The following LRRC7 variants were observed in gnomAD, a reference collection of about 807,000 sequenced individuals.
The protein encoded by LRRC7 is leucine-rich repeat-containing protein 7.
Under a neutral mutation model 175.7 loss-of-function variants are expected in LRRC7, and 23 were observed. The ratio of observed to expected loss-of-function variants is 0.13; its 90% confidence interval spans 0.09 to 0.19. The LOEUF (loss-of-function observed/expected upper bound fraction) is 0.19. Among genes scored for constraint, LRRC7 ranks in the 10% least tolerant of loss-of-function variants. The pLI, the probability that LRRC7 is intolerant of heterozygous loss-of-function variation, is 1.00. For synonymous variants in LRRC7, 685 were observed against 680.9 expected, an observed-to-expected ratio of 1.01 and a Z score of -0.09; for missense variants, 1,354 against 1,904.7, an observed-to-expected ratio of 0.71 and a Z score of 5.38.
intron 7 of LRRC7, chr1:69,839,136 C>T (rs931892721): frequency 5.1e-6 from 1 of 194,540 alleles, no homozygotes; most frequent in Admixed American, 6.1e-5. Flanking sequence ...CAAAATGTAA[C>T]CTTATTTTTT....
chr1:69,986,532 G>T (rs1570917686), intron 10 of LRRC7, 146 bp downstream of exon 10: 2 of 589,338 alleles, frequency 3.4e-6, no homozygotes, highest in East Asian at 6.2e-5. Flanking sequence ...TCATAAAATA[G>T]TATCTAACAA....
intron 9 of LRRC7, among the ~76,000 whole-genome samples, 199 bp from the exon 10 acceptor site, chr1:69,986,043 A>G (rs980745396): frequency 8.5e-5 from 13 of 152,148 alleles, no homozygotes; most frequent in African/African-American, 3.1e-4. Flanking sequence ...AAACTGCCAA[A>G]CAGTTCTTCA....
chr1:69,914,111 T>C (rs2101711518), intron 7 of LRRC7, among the ~76,000 whole-genome samples: 1 of 152,234 alleles, frequency 6.6e-6, no homozygotes, highest in African/African-American at 2.4e-5. Context: ...CCTTGTGCCA[T>C]GAATAGCCAG....
intron 2 of LRRC7, among the ~76,000 whole-genome samples, chr1:69,732,435 T>G (rs12057486): frequency 0.028 from 4,211 of 152,084 alleles, 177 homozygotes; most frequent in African/African-American, 0.095. Context: ...GGTCAGGTTT[T>G]AAAAAAGTCC....
At chr1:69,752,970 A>C (rs1210151689) in intron 2 of LRRC7, among the ~76,000 whole-genome samples, 1 of 152,130 alleles carries the variant, frequency 6.6e-6, no homozygotes, top group East Asian at 1.9e-4. Context: ...ATGTGGTAAC[A>C]CAGGAAACCG....
intron 1 of LRRC7, among the ~76,000 whole-genome samples, chr1:69,658,764 T>G (rs965681434): frequency 6.6e-6 from 1 of 152,026 alleles, no homozygotes; most frequent in African/African-American, 2.4e-5. Context: ...ATCGCAAAGT[T>G]TTTAAATACT....
intron 3 of LRRC7, among the ~76,000 whole-genome samples, chr1:69,771,151 T>C (rs1394811302): frequency 6.6e-6 from 1 of 152,190 alleles, no homozygotes; most frequent in Non-Finnish European, 1.5e-5. Context: ...TTTTTTTCCA[T>C]ATATGTTCTT....
chr1:69,908,831 C>A (rs1371835857), intron 7 of LRRC7, among the ~76,000 whole-genome samples: 7 of 147,648 alleles, frequency 4.7e-5, no homozygotes, highest in African/African-American at 1.8e-4. Flanking sequence ...TCCTTGTTAA[C>A]TTTCTGTCTC....
At chr1:69,901,879 T>G (rs1646145021) in intron 7 of LRRC7, among the ~76,000 whole-genome samples, 1 of 152,162 alleles carries the variant, frequency 6.6e-6, no homozygotes, top group Non-Finnish European at 1.5e-5. Context: ...AGTGTTATCT[T>G]ATATAAAGCC....
chr1:69,921,509 T>C (rs986128452), intron 7 of LRRC7, among the ~76,000 whole-genome samples: 23 of 152,320 alleles, frequency 1.5e-4, no homozygotes, highest in African/African-American at 5.3e-4. Context: ...TCTTTAATTT[T>C]TTCCTCTCCT....
At chr1:69,747,689 C>T (rs1419994811) in intron 2 of LRRC7, among the ~76,000 whole-genome samples, 2 of 151,992 alleles carry the variant, frequency 1.3e-5, no homozygotes, top group African/African-American at 4.8e-5. Flanking sequence ...GAATAAATTT[C>T]ATTTATGGCA....
intron 2 of LRRC7, among the ~76,000 whole-genome samples, chr1:69,698,677 T>C (rs1320078603): frequency 6.6e-6 from 1 of 152,224 alleles, no homozygotes; most frequent in Non-Finnish European, 1.5e-5. Flanking sequence ...CCATATTTCA[T>C]GACACAATTA....
chr1:69,736,549 C>T (rs1221574825), intron 2 of LRRC7, among the ~76,000 whole-genome samples: 3 of 151,930 alleles, frequency 2.0e-5, no homozygotes, highest in Non-Finnish European at 2.9e-5. Context: ...ACTGTCTTTC[C>T]AAGGAACAAA....
chr1:70,025,437 G>A (rs1182036588), intron 17 of LRRC7, among the ~76,000 whole-genome samples: 2 of 151,848 alleles, frequency 1.3e-5, no homozygotes, highest in East Asian at 3.9e-4. Flanking sequence ...GACAGTTACA[G>A]ATATTATGTT....
At chr1:69,656,967 G>GA (rs531682200) in intron 1 of LRRC7, among the ~76,000 whole-genome samples, 17 of 150,306 alleles carry the variant, frequency 1.1e-4, no homozygotes, top group South Asian at 4.2e-4. Flanking sequence ...AGAGAGAATA[G>GA]AAAAAAAAGG....
intron 23 of LRRC7, among the ~76,000 whole-genome samples, chr1:70,066,863 AT>A (rs1479482601): frequency 6.6e-6 from 1 of 152,056 alleles, no homozygotes; most frequent in Non-Finnish European, 1.5e-5. Context: ...TATGTGAGTA[AT>A]TTAGTTTTTC....
intron 23 of LRRC7, among the ~76,000 whole-genome samples, chr1:70,064,997 C>A (rs1330885026): frequency 6.6e-6 from 1 of 151,868 alleles, no homozygotes; most frequent in Non-Finnish European, 1.5e-5. Flanking sequence ...CATCAAACTT[C>A]TTGAGTATAT....
intron 3 of LRRC7, among the ~76,000 whole-genome samples, chr1:69,780,629 G>A (rs751806190): frequency 2.1e-5 from 3 of 144,360 alleles, no homozygotes; most frequent in Non-Finnish European, 4.6e-5. Context: ...ATTACTTAGA[G>A]TTGGCTCTTT....
chr1:69,772,914 A>T lies in LRRC7; in HGVS notation c.303+12521A>T, dbSNP rs952069346. Among the ~76,000 whole-genome samples the T allele has an allele frequency of 2.0e-5, 3 of 152,164 alleles. No homozygotes were observed. The South Asian group carries it at 6.2e-4, about 32-fold the overall frequency. ...AAAAAGAGGGAGTATAAACTGAGAG[A>T]TTGGCTAAGAGGATAGAGGAGAGAC... On this transcript the variant is annotated intron_variant, in intron 3 of 26. Transcript: ENST00000651989.
Sources: gnomAD v4.1 joint callset for allele counts (sites outside exome capture counted in the v4.1 genomes callset) on GRCh38, gnomAD v4.1.1 for gene constraint, MANE v1.5 for transcripts, NCBI Gene and HGNC (gene_info 2026-07-23, HGNC 2026-07-21) for gene names.